The following FAM81A variants were observed in gnomAD, a reference collection of about 807,000 sequenced individuals.
FAM81A encodes the protein family with sequence similarity 81 member A.
FAM81A carries 19 observed loss-of-function variants against 46.7 expected under a neutral mutation model. The ratio of observed to expected loss-of-function variants is 0.41; its 90% CI spans 0.28 to 0.60. The LOEUF (loss-of-function observed/expected upper bound fraction) is 0.60, where lower values mean the gene tolerates loss of function less well. FAM81A is among the 20% of genes least tolerant of loss of function. FAM81A has a pLI of 0.34. For synonymous variants in FAM81A, 183 were observed against 152.9 expected (o/e 1.20, Z -1.45); for missense variants, 377 against 453.5 (o/e 0.83, Z 1.53).
intron 1 of FAM81A, chr15:59,401,128 G>A: frequency 1.4e-6 from 1 of 694,616 alleles, no homozygotes; most frequent in South Asian, 1.5e-5. Context: ...TTGCAGACAT[G>A]TATGGCTGTT....
chr15:59,520,563 A>C (rs1300713966), intron 8 of FAM81A, among the ~76,000 whole-genome samples: 2 of 122,250 alleles, frequency 1.6e-5, no homozygotes, highest in South Asian at 5.2e-4. Context: ...TGTTTGCTTC[A>C]TTTTTTTTTT....
At chr15:59,470,113 C>T (rs1029492132) in intron 3 of FAM81A, among the ~76,000 whole-genome samples, 4 of 152,178 alleles carry the variant, frequency 2.6e-5, no homozygotes, top group Non-Finnish European at 5.9e-5. Context: ...ATGGGTAACT[C>T]GACCTTTCTG....
At chr15:59,494,983 T>G (rs1223489530) in intron 4 of FAM81A, among the ~76,000 whole-genome samples, 3 of 152,176 alleles carry the variant, frequency 2.0e-5, no homozygotes, top group African/African-American at 7.2e-5. Context: ...TGATCAGACC[T>G]GAAGGCCCGA....
At chr15:59,496,726 A>C (rs1402385188) in intron 4 of FAM81A, among the ~76,000 whole-genome samples, 3 of 152,138 alleles carry the variant, frequency 2.0e-5, no homozygotes, top group Admixed American at 6.5e-5. Context: ...CTTGATTGCT[A>C]TAGCTTTGTG....
At chr15:59,419,186 A>G (rs1277975626) in intron 2 of FAM81A, among the ~76,000 whole-genome samples, 1 of 152,234 alleles carries the variant, frequency 6.6e-6, no homozygotes, top group Non-Finnish European at 1.5e-5. Flanking sequence ...AGCAGTAGTA[A>G]GGAATAATTT....
intron 4 of FAM81A, among the ~76,000 whole-genome samples, chr15:59,494,328 C>T (rs553792327): frequency 3.9e-5 from 6 of 152,174 alleles, no homozygotes; most frequent in South Asian, 2.1e-4. Context: ...TCTTCGTAGC[C>T]GCTTGAGTTG....
chr15:59,422,825 T>A, intron 2 of FAM81A, among the ~76,000 whole-genome samples: 1 of 152,358 alleles, frequency 6.6e-6, no homozygotes, highest in Admixed American at 6.5e-5. Context: ...GAAATCTGCA[T>A]GAAAGTAAAG....
At chr15:59,518,380 G>T (rs2082289597) in intron 8 of FAM81A, among the ~76,000 whole-genome samples, 1 of 152,060 alleles carries the variant, frequency 6.6e-6, no homozygotes, top group Admixed American at 6.5e-5. Flanking sequence ...CCGGGGTGAA[G>T]TGGTGTGATC....
intron 4 of FAM81A, among the ~76,000 whole-genome samples, chr15:59,503,102 C>T (rs1425383186): frequency 6.6e-6 from 1 of 151,694 alleles, no homozygotes; most frequent in Non-Finnish European, 1.5e-5. Context: ...ATTAGCTGGG[C>T]CTGGTAGTGG....
chr15:59,438,663 C>G (rs1039579513), intron 1 of FAM81A: 1 of 152,252 alleles, frequency 6.6e-6, no homozygotes, highest in East Asian at 1.9e-4. Context: ...CGCCCCTTCG[C>G]TTTTTCTCAT....
intron 2 of FAM81A, among the ~76,000 whole-genome samples, chr15:59,403,887 C>CTTTTTTTTTTTT (rs11387570): frequency 7.1e-6 from 1 of 140,090 alleles, no homozygotes; most frequent in African/African-American, 2.6e-5. Context: ...CTTTTCTTTT[C>CTTTTTTTTTTTT]TTTTTTTTTT....
intron 2 of FAM81A, among the ~76,000 whole-genome samples, chr15:59,459,493 C>T (rs916769466): frequency 6.6e-6 from 1 of 152,150 alleles, no homozygotes; most frequent in Non-Finnish European, 1.5e-5. Flanking sequence ...ATCTCTAAAT[C>T]CCTGACACTC....
At chr15:59,483,748 T>C (rs1330469206) in intron 3 of FAM81A, among the ~76,000 whole-genome samples, 1 of 152,176 alleles carries the variant, frequency 6.6e-6, no homozygotes, top group Non-Finnish European at 1.5e-5. Context: ...CTGTTCCCAA[T>C]CCAGGTGCTA....
chr15:59,440,597 A>G (rs905775824), intron 1 of FAM81A, among the ~76,000 whole-genome samples: 14 of 152,308 alleles, frequency 9.2e-5, no homozygotes, highest in Admixed American at 6.5e-4. Context: ...TGCTTCAACT[A>G]ACATCTTGGA....
intron 3 of FAM81A, among the ~76,000 whole-genome samples, chr15:59,478,885 C>G (rs1049002766): frequency 9.8e-5 from 15 of 152,328 alleles, no homozygotes; most frequent in Admixed American, 6.5e-4. Context: ...GATAACAGCT[C>G]AAATCAAAGG....
intron 2 of FAM81A, among the ~76,000 whole-genome samples, chr15:59,403,616 G>GA: frequency 1.3e-5 from 2 of 152,114 alleles, no homozygotes; most frequent in Non-Finnish European, 2.9e-5. Context: ...AGTTCCTCTG[G>GA]TTATTTTATG....
chr15:59,440,857 T>TA (rs1645427273), intron 1 of FAM81A, among the ~76,000 whole-genome samples: 1 of 152,160 alleles, frequency 6.6e-6, no homozygotes, highest in South Asian at 2.1e-4. Flanking sequence ...TTGGGCTTCT[T>TA]ATATTTCAGT....
intron 1 of FAM81A, among the ~76,000 whole-genome samples, chr15:59,447,642 T>G (rs1399094178): frequency 6.6e-6 from 1 of 152,190 alleles, no homozygotes; most frequent in African/African-American, 2.4e-5. Flanking sequence ...ATACATTGGC[T>G]TGGGAAATTA....
intron 4 of FAM81A, among the ~76,000 whole-genome samples, chr15:59,493,737 G>A (rs575675124): frequency 7.2e-5 from 11 of 152,108 alleles, no homozygotes; most frequent in East Asian, 3.9e-4. Context: ...ACAGGCACTC[G>A]CCACCACGGC....
Sources: gnomAD v4.1 joint callset for allele counts (sites outside exome capture counted in the v4.1 genomes callset) on GRCh38, gnomAD v4.1.1 for gene constraint, MANE v1.5 for transcripts, NCBI Gene and HGNC (gene_info 2026-07-23, HGNC 2026-07-21) for gene names.